JAG1: variants seen among roughly 807,000 people sequenced by gnomAD.
JAG1 encodes the protein protein jagged-1.
JAG1 carries 23 observed loss-of-function variants against 148.7 expected under a neutral mutation model. That is an observed-to-expected ratio of 0.15 (90% CI 0.11 to 0.22). The LOEUF is 0.22. Ranked by LOEUF, JAG1 falls within the 10% of genes least tolerant of loss-of-function variation. The probability of loss-of-function intolerance (pLI) is 1.00; values close to 1 mark genes in which losing one functional copy is unlikely to be tolerated. For missense variants in JAG1, 1,054 were observed against 1,611.2 expected, an observed-to-expected ratio of 0.65 and a Z score of 5.92; for synonymous variants, 572 against 598.3, an observed-to-expected ratio of 0.96 and a Z score of 0.64.
At position 10,639,858 on chromosome 20, in the gene JAG1, C is replaced by G. The variant is rs748849177; in HGVS notation, c.3297G>C (p.Pro1099=). 2 of 1,614,096 alleles carry G rather than the reference C, an allele frequency of 1.2e-6. No individual in the cohort carries two copies. Among genetic ancestry groups the G allele is most frequent in the Admixed American group, 1.7e-5 (1 of 60,024 alleles). Reference sequence around the variant, plus strand: ...CAGAGGCTGAGTGTGTGTGGCTGCCCGGCTTCCGCCGCTTCCGCAGGCACC... The same window carrying G: ...CAGAGGCTGAGTGTGTGTGGCTGCCGGGCTTCCGCCGCTTCCGCAGGCACC... ...FYWCLRKRRK[P]GSHTHSASED... is the part of the protein sequence containing the mutation. The change falls in exon 26 of 26, where the codon CCG becomes CCC. Residue 1099 remains proline (P), a synonymous_variant. Coordinates refer to ENST00000254958, the MANE Select transcript of JAG1 (RefSeq NM_000214.3).
At chr20:10,667,716 G>T (rs183451334) in intron 2 of JAG1, among the ~76,000 whole-genome samples, 1 of 152,138 alleles carries the variant, frequency 6.6e-6, no homozygotes, top group East Asian at 1.9e-4. Flanking sequence ...CCACTCAAAG[G>T]CTCACCAAGG....
In JAG1 at chr20:10,641,099, G is replaced by T. The variant is rs1181089041; in HGVS notation, c.3048+14C>A. The T allele has an allele frequency of 1.2e-6, 2 of 1,613,860 alleles. No individual in the cohort carries two copies. The highest frequency in any genetic ancestry group is 1.7e-6 in the Non-Finnish European group (2 of 1,180,020). ...GCCATCGAATAATGAGGTGTGAATG[G>T]GTCTTATACTTACAATGGCCACATG... On this transcript the variant is annotated intron_variant, in intron 24 of 25. Transcript: ENST00000254958.
At chr20:10,660,955 C>T (rs760493722) in intron 3 of JAG1, among the ~76,000 whole-genome samples, 11 of 152,178 alleles carry the variant, frequency 7.2e-5, no homozygotes, top group Admixed American at 4.6e-4. Flanking sequence ...GGGACCACAC[C>T]GACCCAAAAA....
Position 10,638,977 on chromosome 20 carries a change from A to G in JAG1, c.*521T>C, listed in dbSNP as rs755826715. On this transcript the variant is annotated 3_prime_UTR_variant, in exon 26 of 26. Transcript: ENST00000254958. ...CATTTTACCAGCAACTGCTGACATC[A>G]AAGTCTCCCCTCCCCCAACAACAAA... 1 of 155,530 alleles carries G rather than the reference A, an allele frequency of 6.4e-6. No homozygotes were observed. Among genetic ancestry groups the G allele is most frequent in the Admixed American group, 6.2e-5 (1 of 16,006 alleles). 9.6% of individuals were successfully genotyped at this position (155,530 alleles called of 1,614,324 possible).
chr20:10,663,414 C>T (rs1203510290), intron 3 of JAG1, among the ~76,000 whole-genome samples: 10 of 152,198 alleles, frequency 6.6e-5, no homozygotes, highest in African/African-American at 2.2e-4. Context: ...AAAACAGAGC[C>T]ATCTTTCAGA....
At chr20:10,643,124 C>T (rs550409675) in intron 20 of JAG1, among the ~76,000 whole-genome samples, 7 of 152,220 alleles carry the variant, frequency 4.6e-5, no homozygotes, top group African/African-American at 1.7e-4. Context: ...ACAACCTGCC[C>T]CCATCTAGTG....
At chr20:10,665,964 C>A (rs2067451232) in intron 2 of JAG1, among the ~76,000 whole-genome samples, 1 of 152,160 alleles carries the variant, frequency 6.6e-6, no homozygotes, top group African/African-American at 2.4e-5. Context: ...CCGACATCAC[C>A]CCACCTGGAG....
rs1162038163 is a variant in JAG1, at chr20:10,646,995, C to T, written c.1829G>A (p.Gly610Glu). 8 of 1,614,060 alleles carry T rather than the reference C, an allele frequency of 5.0e-6. No homozygotes were observed. The East Asian group carries it at 1.1e-4, about 22-fold the overall frequency. The change falls in exon 14 of 26, where the codon GGA (glycine) becomes GAA (glutamate). Residue 610 changes from glycine (G) to glutamate (E), a missense_variant. Transcript: ENST00000254958. ...GTTACAGTCACAGGTGAATTTGCCT[C>T]CCGACTGACTCTTGCACTTCCCGTG... ...GPHGKCKSQS[G>E]GKFTCDCNKG...
intron 2 of JAG1, among the ~76,000 whole-genome samples, chr20:10,668,936 T>C (rs1062227): frequency 1.2e-3 from 189 of 152,154 alleles, no homozygotes; most frequent in Non-Finnish European, 1.9e-3. Context: ...AACTGGTGGG[T>C]TGCAAATTCC....
intron 2 of JAG1, among the ~76,000 whole-genome samples, chr20:10,664,934 C>A (rs1295714160): frequency 6.6e-6 from 1 of 152,134 alleles, no homozygotes; most frequent in Non-Finnish European, 1.5e-5. Context: ...AATTTTCCTT[C>A]GTAATTTACA....
chr20:10,650,379 AG>A lies in JAG1; in HGVS notation c.1121-20del. 7.2e-7 allele frequency: 1 copy of A among 1,397,642 alleles called. No individual in the cohort carries two copies. The allele number at this position is 1,397,642 out of a possible 1,614,324, so 86.6% of individuals were successfully genotyped here. ...TCAATGTCTGGTCAACAAGAAAAGGAGGGGGTTGACAATTTAATTCAATCCA... is the reference window on the plus strand; with the variant it reads ...TCAATGTCTGGTCAACAAGAAAAGGAGGGGTTGACAATTTAATTCAATCCA... On this transcript the variant is annotated intron_variant, in intron 8 of 25. Transcript: ENST00000254958.
At position 10,672,768 on chromosome 20, in the gene JAG1, A is replaced by T; in HGVS notation, c.320T>A (p.Phe107Tyr). Reference protein sequence around the residue: ...GSTPVIGGNTFNLKASRGNDR... With the variant: ...GSTPVIGGNTYNLKASRGNDR... ...GTTGCCGCGGCTGGCCTTGAGGTTGAAGGTGTTGCCCCCGATGACAGGCGT... is the reference window on the plus strand; with the variant it reads ...GTTGCCGCGGCTGGCCTTGAGGTTGTAGGTGTTGCCCCCGATGACAGGCGT... The change falls in exon 2 of 26, where the codon TTC becomes TAC. Residue 107 changes from phenylalanine to tyrosine, a missense_variant. Phe to Tyr is a conservative substitution (Grantham distance 22, BLOSUM62 3). Around this residue, in one of 6 missense-constraint regions of JAG1, gnomAD observed 151 missense variants for 211.1 expected, o/e 0.72. Coordinates refer to ENST00000254958, the MANE Select transcript of JAG1 (RefSeq NM_000214.3). 1 of 1,613,094 alleles carries T rather than the reference A, an allele frequency of 6.2e-7. No homozygotes were observed. The highest frequency in any genetic ancestry group is 8.5e-7 in the Non-Finnish European group (1 of 1,180,030).
chr20:10,639,356 G>T lies in JAG1; in HGVS notation c.*142C>A, dbSNP rs1416223013. 2 of 813,590 alleles carry T rather than the reference G, an allele frequency of 2.5e-6. No homozygotes were observed. Among genetic ancestry groups the T allele is most frequent in the Non-Finnish European group, 4.3e-6 (2 of 462,056 alleles). 50.4% of individuals were successfully genotyped at this position (813,590 alleles called of 1,614,324 possible). The stretch of plus-strand genomic sequence containing the variant: ...CCAGCCAACCACAGAAACTACCATT[G>T]CCAGTGTAAGCCAGCTTGTCAAAAC... On this transcript the variant is annotated 3_prime_UTR_variant, in exon 26 of 26. Coordinates refer to ENST00000254958, the MANE Select transcript of JAG1 (RefSeq NM_000214.3).
Position 10,649,127 on chromosome 20 carries a change from T to C in JAG1, c.1349-20A>G, listed in dbSNP as rs758784471. 62 of 1,561,210 alleles carry C rather than the reference T, an allele frequency of 4.0e-5. No individual in the cohort carries two copies. In the Admixed American group the frequency reaches 5.2e-4, roughly 13 times the overall value. The stretch of plus-strand genomic sequence containing the variant: ...TAATATCTAAAAAATAAATAAGTCA[T>C]CATTTTAAAGAGGTAATTTACAGTG... On this transcript the variant is annotated intron_variant, in intron 10 of 25. Transcript: ENST00000254958.
At chr20:10,658,835 TA>T in intron 3 of JAG1, 113 bp from the exon 4 acceptor site, 1 of 1,201,846 alleles carries the variant, frequency 8.3e-7, no homozygotes, top group Non-Finnish European at 1.2e-6. Context: ...CTATCTGTTG[TA>T]AAAAAGGCAA....
intron 23 of JAG1, 64 bp from the exon 24 acceptor site, chr20:10,641,308 G>A: frequency 6.3e-7 from 1 of 1,599,702 alleles, no homozygotes; most frequent in Non-Finnish European, 8.6e-7. Flanking sequence ...AGGCTGAGAT[G>A]TTCTCTTTGA....
chr20:10,640,086 C>T (rs1375027456), intron 25 of JAG1, 131 bp from the exon 26 acceptor site: 3 of 752,414 alleles, frequency 4.0e-6, no homozygotes, highest in Non-Finnish European at 4.6e-6. Context: ...GGGACAAGTC[C>T]CTTTTCATCA....
At chr20:10,658,835 T>TA (rs1157909245) in intron 3 of JAG1, 113 bp from the exon 4 acceptor site, 31 of 1,201,730 alleles carry the variant, frequency 2.6e-5, no homozygotes, top group South Asian at 2.5e-4. Context: ...CTATCTGTTG[T>TA]AAAAAAGGCA....
Position 10,651,671 on chromosome 20 carries a change from G to A in JAG1, c.1030C>T (p.Pro344Ser), listed in dbSNP as rs777627439. ...EIAEHACLSD[P>S]CHNRGSCKET... ...TTACAGCTGCCTCTGTTGTGACAGG[G>A]ATCAGAGAGGCAGGCGTGCTCAGCT... The change falls in exon 8 of 26, where the codon CCC (proline) becomes TCC (serine). Residue 344 changes from proline to serine, a missense_variant. Physicochemically the swap from Pro to Ser is moderately conservative, Grantham distance 74. Around this residue, in one of 6 missense-constraint regions of JAG1, gnomAD observed 245 missense variants for 373.1 expected, o/e 0.66. Coordinates refer to ENST00000254958, the MANE Select transcript of JAG1 (RefSeq NM_000214.3). The A allele has an allele frequency of 6.2e-7, 1 of 1,613,670 alleles. No individual in the cohort carries two copies. The highest frequency in any genetic ancestry group is 8.5e-7 in the Non-Finnish European group (1 of 1,179,636).
Sources: gnomAD v4.1 joint callset for allele counts (sites outside exome capture counted in the v4.1 genomes callset) on GRCh38, gnomAD v4.1.1 for gene constraint, gnomAD v4.1.1 regional missense constraint, MANE v1.5 for transcripts, NCBI Gene and HGNC (gene_info 2026-07-23, HGNC 2026-07-21) for gene names.